Variants in TSKS observed in about 807,000 individuals in gnomAD.
TSKS encodes the protein testis specific serine kinase substrate.
TSKS carries 27 observed loss-of-function variants against 68.0 expected under a neutral mutation model. The observed-to-expected ratio is 0.40, with a 90% confidence interval of 0.29 to 0.55. The LOEUF is 0.55. TSKS is among the 20% of genes least tolerant of loss of function. The probability of loss-of-function intolerance (pLI) is 0.53; values close to 1 mark genes in which losing one functional copy is unlikely to be tolerated. For synonymous variants in TSKS, 331 were observed against 340.4 expected (o/e 0.97, Z 0.30); for missense variants, 806 against 776.0 (o/e 1.04, Z -0.46).
At chr19:49,740,406 C>T in intron 9 of TSKS, 1 of 566,006 alleles carries the variant, frequency 1.8e-6, no homozygotes, top group Admixed American at 3.3e-5. Flanking sequence ...TTGTCTGTCC[C>T]ATGATGCACT....
In TSKS at chr19:49,742,099, G is replaced by A. The variant is rs1369165045; in HGVS notation, c.1362-79C>T. On this transcript the variant is annotated intron_variant, in intron 8 of 10. Transcript: ENST00000246801. ...CCCATGCCCCATGCTCACCTGTGGA[G>A]CCTCCATTTGGCCTCGTTTCCAGTA... 4.5e-6 allele frequency: 7 copies of A among 1,543,646 alleles called. No homozygotes were observed. The Admixed American group carries it at 9.3e-5, about 20-fold the overall frequency.
At chr19:49,740,719 A>C (rs1249284270) in intron 9 of TSKS, among the ~76,000 whole-genome samples, 1 of 151,804 alleles carries the variant, frequency 6.6e-6, no homozygotes, top group East Asian at 1.9e-4. Flanking sequence ...CCCCATCTCT[A>C]CTAAAACTAC....
chr19:49,763,265 C>T lies in TSKS; in HGVS notation c.-18G>A. On this transcript the variant is annotated 5_prime_UTR_variant, in exon 1 of 11. Coordinates refer to ENST00000246801, the MANE Select transcript of TSKS (RefSeq NM_021733.2). The surrounding 1 kb of genome is among the most constrained non-coding windows in gnomAD (Gnocchi z 4.5). Reference sequence around the variant, plus strand: ...CTCGCCATGGTGTGGGGGTCTGGCTCCCAGGGAGGGGCTCCTTCCTCTGAG... The same window carrying T: ...CTCGCCATGGTGTGGGGGTCTGGCTTCCAGGGAGGGGCTCCTTCCTCTGAG... 1 of 1,475,366 alleles carries T rather than the reference C, an allele frequency of 6.8e-7. No individual in the cohort carries two copies. The highest frequency in any genetic ancestry group is 9.0e-7 in the Non-Finnish European group (1 of 1,115,706). The allele number at this position is 1,475,366 out of a possible 1,614,324, so 91.4% of individuals were successfully genotyped here. A position where few individuals can be genotyped will look rare whatever the true frequency, so the allele number is the denominator to read the frequency against.
rs1286978505 is a variant in TSKS, at chr19:49,760,587, G to A, written c.399+1417C>T. Among the ~76,000 whole-genome samples the A allele has an allele frequency of 2.0e-5, 3 of 150,742 alleles. No homozygotes were observed. In the East Asian group the frequency reaches 6.0e-4, roughly 30 times the overall value. On this transcript the variant is annotated intron_variant, in intron 2 of 10. Coordinates refer to ENST00000246801, the MANE Select transcript of TSKS (RefSeq NM_021733.2). ...CCTGACCTCATGATCCACCCGCCTCGGCCTCCCAAAGTGCTGAGATTATAG... is the reference window on the plus strand; with the variant it reads ...CCTGACCTCATGATCCACCCGCCTCAGCCTCCCAAAGTGCTGAGATTATAG...
At chr19:49,754,926 C>T (rs373904159) in intron 2 of TSKS, among the ~76,000 whole-genome samples, 19 of 151,986 alleles carry the variant, frequency 1.3e-4, no homozygotes, top group African/African-American at 3.6e-4. Context: ...GGTGAAACCC[C>T]GTCTCTACTA....
rs774911493 is a variant in TSKS, at chr19:49,742,008, C to T, written c.1374G>A (p.Gln458=). The T allele has an allele frequency of 2.5e-5, 41 of 1,613,940 alleles. No homozygotes were observed. The highest frequency in any genetic ancestry group is 3.4e-5 in the Non-Finnish European group (40 of 1,180,024). The change falls in exon 9 of 11, where the codon CAG becomes CAA. Residue 458 remains glutamine (Q), a synonymous_variant. Coordinates refer to ENST00000246801, the MANE Select transcript of TSKS (RefSeq NM_021733.2). ...GCTGCTGCAGGGACTCCGTAGACAA[C>T]TGCGACCCCTGGCTGGGGGAGGGGC... is the stretch of plus-strand genomic sequence containing the variant. The part of the protein sequence containing the change: ...NCARCASQGS[Q]LSTESLQQLL...
At chr19:49,759,203 G>A (rs2123630532) in intron 2 of TSKS, among the ~76,000 whole-genome samples, 2 of 151,396 alleles carry the variant, frequency 1.3e-5, no homozygotes, top group Non-Finnish European at 2.9e-5. Context: ...GGGAGCGGTG[G>A]CTCATGCCTG....
intron 9 of TSKS, among the ~76,000 whole-genome samples, chr19:49,741,051 G>A (rs1001332671): frequency 3.3e-5 from 5 of 151,854 alleles, no homozygotes; most frequent in South Asian, 4.2e-4. Flanking sequence ...GGTGGCAGGC[G>A]CCTGTAGTCC....
At chr19:49,761,805 A>T (rs1021391724) in intron 2 of TSKS, among the ~76,000 whole-genome samples, 199 bp downstream of exon 2, 3 of 144,320 alleles carry the variant, frequency 2.1e-5, no homozygotes, top group Non-Finnish European at 4.5e-5. Context: ...CTAAAGGAAG[A>T]AAAAAAAAAG....
chr19:49,753,158 G>A (rs917488493), intron 2 of TSKS, among the ~76,000 whole-genome samples: 1 of 152,218 alleles, frequency 6.6e-6, no homozygotes, highest in African/African-American at 2.4e-5. Context: ...AGGTGCAGTA[G>A]CTCACACCTG....
rs374257677 is a variant in TSKS at position 49,739,845 on chromosome 19, C to G, written c.1710G>C (p.Thr570=). Residue 570 remains threonine (T), a synonymous_variant, in exon 11 of 11, where the codon ACG becomes ACC. Coordinates refer to ENST00000246801, the MANE Select transcript of TSKS (RefSeq NM_021733.2). ...HLSNLPLEGS[T]GTMGGGSSAG... ...CACTGCTGCCTCCCCCCATTGTTCCCGTGGACCCCTCAAGTGGCAGGTTGC... is the reference window on the plus strand; with the variant it reads ...CACTGCTGCCTCCCCCCATTGTTCCGGTGGACCCCTCAAGTGGCAGGTTGC... 1.2e-6 allele frequency: 2 copies of G among 1,613,924 alleles called. No individual in the cohort carries two copies. The highest frequency in any genetic ancestry group is 4.5e-5 in the East Asian group (2 of 44,864).
At chr19:49,754,902 A>C (rs2084381271) in intron 2 of TSKS, among the ~76,000 whole-genome samples, 1 of 152,122 alleles carries the variant, frequency 6.6e-6, no homozygotes, top group African/African-American at 2.4e-5. Context: ...GATCAAGAAC[A>C]TCCTGGCCAA....
At chr19:49,745,617 A>G (rs545189962) in intron 6 of TSKS, among the ~76,000 whole-genome samples, 11 of 151,978 alleles carry the variant, frequency 7.2e-5, no homozygotes, top group Non-Finnish European at 1.3e-4. Flanking sequence ...TTTATTGGCT[A>G]TCTTGGCCCT....
intron 2 of TSKS, among the ~76,000 whole-genome samples, chr19:49,758,102 T>G (rs13343519): frequency 5.4e-5 from 8 of 147,654 alleles, no homozygotes; most frequent in African/African-American, 1.3e-4. Flanking sequence ...TCCTCTCTCT[T>G]GGTCTCTGTC....
Position 49,745,416 on chromosome 19 carries a change from G to C in TSKS, c.993-20C>G, listed in dbSNP as rs551074108. On this transcript the variant is annotated intron_variant, in intron 6 of 10. Coordinates refer to ENST00000246801, the MANE Select transcript of TSKS (RefSeq NM_021733.2). ...TCTCTCCTGGAGGGGCAGAGGAGGG[G>C]AATGGGTAGGGGCTAGGCTTCAACA... 5.7e-5 allele frequency: 87 copies of C among 1,514,366 alleles called. 2 individuals are homozygous for C. In the South Asian group the frequency reaches 9.8e-4, roughly 17 times the overall value. The allele number at this position is 1,514,366 out of a possible 1,614,324, so 93.8% of individuals were successfully genotyped here.
At chr19:49,747,588 C>T in intron 4 of TSKS, 116 bp from the exon 5 acceptor site, 1 of 983,684 alleles carries the variant, frequency 1.0e-6, no homozygotes, top group Non-Finnish European at 1.6e-6. Flanking sequence ...GTACAAGACA[C>T]ACTCACCAGC....
chr19:49,741,829 C>A, intron 9 of TSKS, 56 bp downstream of exon 9: 1 of 1,611,694 alleles, frequency 6.2e-7, no homozygotes, highest in Non-Finnish European at 8.5e-7. Context: ...GGGTTCCCCT[C>A]CCCTTGCCCC....
chr19:49,740,153 C>T lies in TSKS; in HGVS notation c.1528G>A (p.Val510Ile), dbSNP rs779459967. 31 of 1,613,772 alleles carry T rather than the reference C, an allele frequency of 1.9e-5. No homozygotes were observed. The highest frequency in any genetic ancestry group is 3.3e-4 in the Middle Eastern group (2 of 6,062). Residue 510 changes from valine to isoleucine, a missense_variant, in exon 10 of 11, where the codon GTC (valine) becomes ATC (isoleucine). Val to Ile is a conservative substitution (Grantham distance 29). Coordinates refer to ENST00000246801, the MANE Select transcript of TSKS (RefSeq NM_021733.2). ...ELERQALAKH[V>I]RAEALSSTLR... is the part of the protein sequence containing the mutation. ...GTGGAGCTCAGGGCCTCTGCCCTGA[C>T]GTGTTTGGCTAAGGCCTGGCGCTCC...
In TSKS at chr19:49,742,071, C is replaced by A. The variant is rs373855637; in HGVS notation, c.1362-51G>T. The A allele has an allele frequency of 3.8e-6, 6 of 1,599,438 alleles. No homozygotes were observed. The Admixed American group carries it at 1.0e-4, about 27-fold the overall frequency. ...AAGAGGCCCAGTACCAACTCCAGGA[C>A]GCCCCATGCCCCATGCTCACCTGTG... On this transcript the variant is annotated intron_variant, in intron 8 of 10. Transcript: ENST00000246801.
Sources: allele counts gnomAD v4.1 joint callset (sites outside exome capture counted in the v4.1 genomes callset), GRCh38; gene constraint gnomAD v4.1.1; non-coding constraint Gnocchi (gnomAD v3.1); transcripts MANE v1.5; gene names NCBI Gene and HGNC (gene_info 2026-07-23, HGNC 2026-07-21).